The following SCN2A variants were observed in gnomAD, a reference collection of about 807,000 sequenced individuals.
The protein encoded by SCN2A is sodium voltage-gated channel alpha subunit 2.
A neutral mutation model predicts 188.7 loss-of-function variants in SCN2A; 20 were observed. The observed-to-expected ratio is 0.11, with a 90% confidence interval of 0.07 to 0.15. SCN2A has a LOEUF of 0.15. Among genes scored for constraint, SCN2A ranks in the 10% least tolerant of loss-of-function variants. SCN2A has a pLI of 1.00. For missense variants in SCN2A, 1,278 were observed against 2,445.0 expected (o/e 0.52, Z 10.07); for synonymous variants, 804 against 833.1 (o/e 0.97, Z 0.60).
Position 165,313,913 on chromosome 2 carries a change from T to C in SCN2A, c.1188T>C (p.Ala396=). The part of the protein sequence containing the change: ...WENLYQLTLR[A]AGKTYMIFFV... ...CTTCCATTTTGCAGACACTACGTGC[T>C]GCTGGGAAAACGTACATGATATTTT... is the stretch of plus-strand genomic sequence containing the variant. The change falls in exon 10 of 27, where the codon GCT becomes GCC. Residue 396 remains alanine (A), a synonymous_variant. Coordinates refer to ENST00000375437, the MANE Select transcript of SCN2A (RefSeq NM_001040142.2). 1 of 1,613,898 alleles carries C rather than the reference T, an allele frequency of 6.2e-7. No individual in the cohort carries two copies. The highest frequency in any genetic ancestry group is 8.5e-7 in the Non-Finnish European group (1 of 1,179,792).
chr2:165,257,397 CAT>C (rs1694374605), intron 1 of SCN2A, among the ~76,000 whole-genome samples: 1 of 152,186 alleles, frequency 6.6e-6, no homozygotes, highest in African/African-American at 2.4e-5. Context: ...AAGTGAATCA[CAT>C]GATTTTTTTG....
intron 1 of SCN2A, among the ~76,000 whole-genome samples, chr2:165,255,575 T>C (rs2106076009): frequency 6.6e-6 from 1 of 152,120 alleles, no homozygotes; most frequent in Admixed American, 6.5e-5. Context: ...TCCTAACAAT[T>C]ATTAAAATAT....
rs189597714 is a variant in SCN2A at position 165,380,961 on chromosome 2, G to C, written c.4447-132G>C. The C allele has an allele frequency of 2.6e-4, 184 of 707,928 alleles. No individual in the cohort carries two copies. The African/African-American group carries it at 3.1e-3, about 12-fold the overall frequency. The allele number at this position is 707,928 out of a possible 1,614,324, so 43.9% of individuals were successfully genotyped here. On this transcript the variant is annotated intron_variant, in intron 24 of 26. Transcript: ENST00000375437. ...TGGCATAATTTATATATTGAATAAAGGCATCTCTATAAATACAGATATTAG... is the reference window on the plus strand; with the variant it reads ...TGGCATAATTTATATATTGAATAAACGCATCTCTATAAATACAGATATTAG...
intron 3 of SCN2A, among the ~76,000 whole-genome samples, chr2:165,302,508 G>C (rs1238587605): frequency 6.6e-6 from 1 of 152,168 alleles, no homozygotes; most frequent in Non-Finnish European, 1.5e-5. Context: ...AGAGCATAAT[G>C]TCTTTTCCTT....
Position 165,346,546 on chromosome 2 carries a change from G to A in SCN2A, c.2919+1635G>A, listed in dbSNP as rs186044935. 1.5e-3 allele frequency among the ~76,000 whole-genome samples: 223 copies of A among 152,242 alleles called. 1 individual carries two copies. The highest frequency in any genetic ancestry group is 5.2e-3 in the African/African-American group (217 of 41,542). On this transcript the variant is annotated intron_variant, in intron 16 of 26. Transcript: ENST00000375437. ...AATACCATTCAGGACATTGGCATGG[G>A]CAAAGACTTCATGACTGAAACACCA...
chr2:165,376,741 G>C (rs1183263409), intron 22 of SCN2A, among the ~76,000 whole-genome samples: 1 of 151,846 alleles, frequency 6.6e-6, no homozygotes, highest in East Asian at 1.9e-4. Context: ...CGTGTGTGTA[G>C]ATAGAGAAAG....
At chr2:165,265,278 C>G (rs950985328) in intron 1 of SCN2A, among the ~76,000 whole-genome samples, 22 of 150,554 alleles carry the variant, frequency 1.5e-4, no homozygotes, top group African/African-American at 4.9e-4. Context: ...ATATTGTTGG[C>G]CACATGCATT....
intron 1 of SCN2A, among the ~76,000 whole-genome samples, chr2:165,265,230 G>A (rs925717438): frequency 6.6e-6 from 1 of 151,610 alleles, no homozygotes; most frequent in African/African-American, 2.4e-5. Flanking sequence ...GATAAGTGAT[G>A]TAGAGTTTTT....
chr2:165,342,500 A>G lies in SCN2A; in HGVS notation c.2562+31A>G, dbSNP rs368098839. The G allele has an allele frequency of 1.7e-5, 27 of 1,608,640 alleles. No individual in the cohort carries two copies. The African/African-American group carries it at 2.9e-4, about 18-fold the overall frequency. On this transcript the variant is annotated intron_variant, in intron 15 of 26. Transcript: ENST00000375437. Reference sequence around the variant, plus strand: ...TTAACTGGGAGTGTTCATAAAATGTACTTTGTAATTAATTAGTCTTCATTC... The same window carrying G: ...TTAACTGGGAGTGTTCATAAAATGTGCTTTGTAATTAATTAGTCTTCATTC...
At chr2:165,291,564 CCTTCCTTCCTT>C (rs1166558250) in intron 1 of SCN2A, among the ~76,000 whole-genome samples, 7 of 79,238 alleles carry the variant, frequency 8.8e-5, no homozygotes, top group Non-Finnish European at 2.0e-4. Context: ...TTCCTTCCTT[CCTTCCTTCCTT>C]TCTCTCTCTC....
At chr2:165,301,260 T>G (rs1229217964) in intron 3 of SCN2A, among the ~76,000 whole-genome samples, 1 of 152,088 alleles carries the variant, frequency 6.6e-6, no homozygotes, top group Admixed American at 6.6e-5. Flanking sequence ...TAGGTGGCTG[T>G]GCAAATCTGG....
chr2:165,387,459 A>G lies in SCN2A; in HGVS notation c.4822+443A>G, dbSNP rs73969399. ...GAATAGTGTATATGTGCAGTTATATATATAATAACACATATATAAGTTTCA... is the reference window on the plus strand; with the variant it reads ...GAATAGTGTATATGTGCAGTTATATGTATAATAACACATATATAAGTTTCA... On this transcript the variant is annotated intron_variant, in intron 26 of 26. Transcript: ENST00000375437. 3.4e-3 allele frequency among the ~76,000 whole-genome samples: 524 copies of G among 152,276 alleles called. 2 individuals are homozygous for G. Among genetic ancestry groups the G allele is most frequent in the African/African-American group, 0.012 (490 of 41,580 alleles).
intron 3 of SCN2A, among the ~76,000 whole-genome samples, chr2:165,307,075 T>C (rs748296116): frequency 7.2e-5 from 11 of 152,144 alleles, no homozygotes; most frequent in Non-Finnish European, 1.3e-4. Flanking sequence ...AAAGACAAAG[T>C]GGGATAGGGT....
At chr2:165,342,156 A>G in intron 14 of SCN2A, 140 bp from the exon 15 acceptor site, 1 of 680,102 alleles carries the variant, frequency 1.5e-6, no homozygotes, top group East Asian at 2.7e-5. Context: ...AAGCATTTGT[A>G]GATACTAAGT....
At chr2:165,383,810 C>G (rs77614259) in intron 25 of SCN2A, among the ~76,000 whole-genome samples, 1 of 152,086 alleles carries the variant, frequency 6.6e-6, no homozygotes, top group African/African-American at 2.4e-5. Context: ...TGGATAAATA[C>G]TGATGTCATG....
intron 17 of SCN2A, among the ~76,000 whole-genome samples, chr2:165,358,574 T>A (rs1489073921): frequency 6.6e-6 from 1 of 152,094 alleles, no homozygotes; most frequent in Admixed American, 6.6e-5. Flanking sequence ...AAGGAAATCA[T>A]GTCTTTTGTA....
chr2:165,280,575 A>G (rs199631579), intron 1 of SCN2A, among the ~76,000 whole-genome samples: 4 of 152,144 alleles, frequency 2.6e-5, no homozygotes, highest in East Asian at 1.9e-4. Flanking sequence ...GCCCCCACCC[A>G]TATCCTTAGC....
intron 16 of SCN2A, among the ~76,000 whole-genome samples, chr2:165,351,946 G>C (rs1464635662): frequency 6.6e-6 from 1 of 151,352 alleles, no homozygotes; most frequent in African/African-American, 2.4e-5. Flanking sequence ...GACAGAATGA[G>C]AAATGGGAGC....
rs752258602 is a variant in SCN2A at position 165,370,299 on chromosome 2, T to A, written c.3849T>A (p.Asp1283Glu). 17 of 1,614,154 alleles carry A rather than the reference T, an allele frequency of 1.1e-5. No individual in the cohort carries two copies. The highest frequency in any genetic ancestry group is 2.2e-5 in the South Asian group (2 of 91,082). The change falls in exon 20 of 27, where the codon GAT (aspartate) becomes GAA (glutamate). Residue 1283 changes from aspartate (D) to glutamate (E), a missense_variant and splice_region_variant. Coordinates refer to ENST00000375437, the MANE Select transcript of SCN2A (RefSeq NM_001040142.2). The part of the protein sequence containing the change: ...AWCWLDFLIV[D>E]VSLVSLTANA... Reference sequence around the variant, plus strand: ...GCTGGCTAGACTTCCTGATTGTTGATGTGAGTATGCTGCACTTTGCTGCTT... The same window carrying A: ...GCTGGCTAGACTTCCTGATTGTTGAAGTGAGTATGCTGCACTTTGCTGCTT...
Sources: gnomAD v4.1 joint callset for allele counts (sites outside exome capture counted in the v4.1 genomes callset) on GRCh38, gnomAD v4.1.1 for gene constraint, MANE v1.5 for transcripts, NCBI Gene and HGNC (gene_info 2026-07-23, HGNC 2026-07-21) for gene names.